The following HECW2 variants were observed in gnomAD, a reference collection of about 807,000 sequenced individuals.
HECW2 encodes E3 ubiquitin-protein ligase HECW2.
A neutral mutation model predicts 175.2 loss-of-function variants in HECW2; 61 were observed. The observed-to-expected ratio is 0.35, with a 90% CI of 0.28 to 0.43. HECW2 has a LOEUF of 0.43. HECW2 is among the 20% of genes least tolerant of loss of function. The pLI is 1.00. For missense variants in HECW2, 1,524 were observed against 2,000.5 expected (o/e 0.76, Z 4.54); for synonymous variants, 671 against 731.0 (o/e 0.92, Z 1.32).
chr2:196,525,124 A>T (rs1420293288), intron 1 of HECW2, among the ~76,000 whole-genome samples: 1 of 144,840 alleles, frequency 6.9e-6, no homozygotes, highest in East Asian at 2.0e-4. Context: ...GTCTCTTTGT[A>T]GGTCACTCAG....
intron 7 of HECW2, among the ~76,000 whole-genome samples, chr2:196,321,620 G>A (rs1468083047): frequency 2.6e-5 from 4 of 151,934 alleles, no homozygotes; most frequent in African/African-American, 9.7e-5. Flanking sequence ...GGCTGGTCTC[G>A]AACTCCTGAC....
intron 14 of HECW2, chr2:196,289,332 G>A (rs1279197877): frequency 6.6e-6 from 1 of 152,132 alleles, no homozygotes; most frequent in Non-Finnish European, 1.5e-5. Flanking sequence ...TAATAGCTTT[G>A]ATGTTGCATT....
chr2:196,274,200 C>A, intron 15 of HECW2, 77 bp from the exon 16 acceptor site: 1 of 1,016,130 alleles, frequency 9.8e-7, no homozygotes, highest in South Asian at 1.4e-5. Flanking sequence ...CCAAGTTGTT[C>A]AAAATATTAA....
chr2:196,318,896 C>T lies in HECW2; in HGVS notation c.1994G>A (p.Ser665Asn), dbSNP rs912103375. 1 of 1,568,972 alleles carries T rather than the reference C, an allele frequency of 6.4e-7. No individual in the cohort carries two copies. The highest frequency in any genetic ancestry group is 8.6e-7 in the Non-Finnish European group (1 of 1,157,054). ...SVDTRCSSLE[S>N]ARFPETPAFS... Reference sequence around the variant, plus strand: ...GGCTGGGGTTTCAGGAAACCGTGCGCTCTCAAGAGAGGAGCACCGTGTGTC... The same window carrying T: ...GGCTGGGGTTTCAGGAAACCGTGCGTTCTCAAGAGAGGAGCACCGTGTGTC... The change falls in exon 9 of 29, where the codon AGC becomes AAC. Residue 665 changes from serine to asparagine, a missense_variant. This residue lies in a region of HECW2 where 604 missense variants were observed against 588.3 expected (regional missense o/e 1.03). Coordinates refer to ENST00000644978, the MANE Select transcript of HECW2 (RefSeq NM_001348768.2).
At chr2:196,362,014 C>A (rs990883552) in intron 2 of HECW2, 21 of 985,302 alleles carry the variant, frequency 2.1e-5, no homozygotes, top group Non-Finnish European at 2.3e-5. Context: ...AGGTCCACTT[C>A]ACGGATGCTC....
chr2:196,237,982 T>C (rs980560256), intron 21 of HECW2, among the ~76,000 whole-genome samples: 2 of 152,274 alleles, frequency 1.3e-5, no homozygotes, highest in Non-Finnish European at 2.9e-5. Flanking sequence ...TAAATGCTCA[T>C]TACTAGACCC....
rs1162414489 is a variant in HECW2, at chr2:196,206,131, G to A, written c.4608-4743C>T. ...GCCCTGGACTGTGTTGATGTTGGCA[G>A]CAAAAGTGCATCCAGCTATTCAGTC... On this transcript the variant is annotated intron_variant, in intron 28 of 28. Transcript: ENST00000644978. 3.3e-5 allele frequency among the ~76,000 whole-genome samples: 5 copies of A among 152,148 alleles called. No individual in the cohort carries two copies. In the East Asian group the frequency reaches 9.6e-4, roughly 29 times the overall value.
chr2:196,318,462 C>A (rs183427894), intron 9 of HECW2, 90 bp downstream of exon 9: 1 of 1,341,308 alleles, frequency 7.5e-7, no homozygotes, highest in Admixed American at 3.0e-5. Flanking sequence ...ATGTAACCTG[C>A]AGCCTTATTT....
Position 196,306,466 on chromosome 2 carries a change from CTCTT to C in HECW2, c.2814+18_2814+21del, listed in dbSNP as rs1406412589. On this transcript the variant is annotated intron_variant, in intron 13 of 28. Coordinates refer to ENST00000644978, the MANE Select transcript of HECW2 (RefSeq NM_001348768.2). Reference sequence around the variant, plus strand: ...CTTTGGCCTGCTGTTTTCCTTCACACTCTTTCAGATTCGCTACTCACAGGGTTAG... The same window carrying C: ...CTTTGGCCTGCTGTTTTCCTTCACACTCAGATTCGCTACTCACAGGGTTAG... The C allele has an allele frequency of 3.1e-6, 5 of 1,592,248 alleles. No homozygotes were observed. The Admixed American group carries it at 8.8e-5, about 28-fold the overall frequency.
chr2:196,241,030 A>G (rs10931733), intron 20 of HECW2, among the ~76,000 whole-genome samples: 53,210 of 152,010 alleles, frequency 0.35, 9,568 homozygotes, highest in East Asian at 0.6. Flanking sequence ...AAAATTCTCA[A>G]TATCCTCCAA....
chr2:196,586,359 G>C (rs191637742), intron 1 of HECW2: 1 of 152,040 alleles, frequency 6.6e-6, no homozygotes, highest in African/African-American at 2.4e-5. Context: ...TCTAATCACT[G>C]TCATAAGGAA....
intron 1 of HECW2, among the ~76,000 whole-genome samples, chr2:196,543,677 A>G (rs1178330228): frequency 1.3e-5 from 2 of 151,990 alleles, no homozygotes; most frequent in African/African-American, 2.4e-5. Flanking sequence ...CAGTAGCGCA[A>G]TCTTGGCTCA....
intron 1 of HECW2, chr2:196,592,510 C>T (rs1691235987): frequency 6.6e-6 from 1 of 152,368 alleles, no homozygotes; most frequent in African/African-American, 2.4e-5. Flanking sequence ...AAATCTGCAG[C>T]CCCAGTTTGC....
At chr2:196,206,713 G>A (rs571688919) in intron 28 of HECW2, among the ~76,000 whole-genome samples, 117 of 152,284 alleles carry the variant, frequency 7.7e-4, no homozygotes, top group Middle Eastern at 3.4e-3. Flanking sequence ...ACCCTCTAAA[G>A]TTTGTGTATC....
intron 1 of HECW2, among the ~76,000 whole-genome samples, chr2:196,532,477 A>G (rs869119644): frequency 6.6e-6 from 1 of 151,502 alleles, no homozygotes; most frequent in Non-Finnish European, 1.5e-5. Flanking sequence ...AGGGCCTGTC[A>G]GGGGGTGGGT....
intron 14 of HECW2, among the ~76,000 whole-genome samples, chr2:196,287,025 C>T (rs1473080806): frequency 2.6e-5 from 4 of 152,306 alleles, no homozygotes; most frequent in Admixed American, 6.5e-5. Flanking sequence ...GCCACACAGG[C>T]TATTAGGGTC....
chr2:196,413,088 C>T (rs1456930470), intron 2 of HECW2, among the ~76,000 whole-genome samples: 3 of 152,210 alleles, frequency 2.0e-5, no homozygotes, highest in African/African-American at 7.2e-5. Context: ...CATGATAGCT[C>T]TCTCCTGTAC....
intron 1 of HECW2, among the ~76,000 whole-genome samples, chr2:196,572,611 G>A (rs1293121230): frequency 1.3e-5 from 2 of 152,180 alleles, no homozygotes; most frequent in Non-Finnish European, 2.9e-5. Flanking sequence ...TGTTACAATA[G>A]ACTAAATGTT....
At chr2:196,338,733 CCTT>C (rs1476750773) in intron 3 of HECW2, among the ~76,000 whole-genome samples, 1 of 152,186 alleles carries the variant, frequency 6.6e-6, no homozygotes, top group East Asian at 1.9e-4. Flanking sequence ...ATAAAAATGT[CCTT>C]CTTCCTTTAA....
Sources: gnomAD v4.1 joint callset for allele counts (sites outside exome capture counted in the v4.1 genomes callset) on GRCh38, gnomAD v4.1.1 for gene constraint, gnomAD v4.1.1 regional missense constraint, MANE v1.5 for transcripts, NCBI Gene and HGNC (gene_info 2026-07-23, HGNC 2026-07-21) for gene names.